The following PDE1C variants were observed in gnomAD, a reference collection of about 807,000 sequenced individuals.
PDE1C encodes phosphodiesterase 1C, also known as dual specificity calcium/calmodulin-dependent 3',5'-cyclic nucleotide phosphodiesterase 1C.
Under a neutral mutation model 93.1 loss-of-function variants are expected in PDE1C, and 62 were observed. The ratio of observed to expected loss-of-function variants is 0.67; its 90% confidence interval spans 0.54 to 0.82. The LOEUF is 0.82. Among genes scored for constraint, PDE1C ranks in the 40% least tolerant of loss-of-function variants. The probability of loss-of-function intolerance (pLI) is 0.00; values close to 1 mark genes in which losing one functional copy is unlikely to be tolerated. For missense variants in PDE1C, 742 were observed against 884.6 expected (o/e 0.84, Z 2.04); for synonymous variants, 325 against 310.1 (o/e 1.05, Z -0.50).
chr7:31,638,779 G>A, the PDE1C span, among the ~76,000 whole-genome samples: 195 of 151,876 alleles, frequency 1.3e-3, no homozygotes, highest in Non-Finnish European at 1.4e-3. Flanking sequence ...TTTGTTTTTC[G>A]TTTGTTTGTT....
At chr7:31,906,367 A>G (rs1462035275) in intron 2 of PDE1C, among the ~76,000 whole-genome samples, 1 of 152,176 alleles carries the variant, frequency 6.6e-6, no homozygotes, top group Non-Finnish European at 1.5e-5. Flanking sequence ...TCTCAAGAGC[A>G]TGTTAACTTT....
chr7:32,013,675 G>C (rs1787471314), intron 2 of PDE1C, among the ~76,000 whole-genome samples: 2 of 152,204 alleles, frequency 1.3e-5, no homozygotes, highest in African/African-American at 4.8e-5. Context: ...TGCTTGCTTG[G>C]ACTGGTATAA....
intron 2 of PDE1C, among the ~76,000 whole-genome samples, chr7:31,990,501 T>C (rs1784025274): frequency 6.6e-6 from 1 of 152,102 alleles, no homozygotes; most frequent in Non-Finnish European, 1.5e-5. Flanking sequence ...ACTAATACAA[T>C]AGGAATGGGC....
intron 2 of PDE1C, among the ~76,000 whole-genome samples, chr7:31,929,982 G>T (rs1803960985): frequency 6.6e-6 from 1 of 152,106 alleles, no homozygotes; most frequent in African/African-American, 2.4e-5. Flanking sequence ...GAATCCAGGA[G>T]CTGTTTTTTT....
At chr7:32,110,845 C>A (rs1798599724) in intron 3 of PDE1C, among the ~76,000 whole-genome samples, 1 of 152,158 alleles carries the variant, frequency 6.6e-6, no homozygotes, top group African/African-American at 2.4e-5. Flanking sequence ...ATGAAAATAT[C>A]TACCAGTAAA....
the PDE1C span, among the ~76,000 whole-genome samples, chr7:31,743,023 C>A: frequency 9.2e-5 from 14 of 152,210 alleles, no homozygotes; most frequent in East Asian, 1.5e-3. Flanking sequence ...TCTCTATTTC[C>A]AATGCCACCC....
At chr7:32,184,391 G>A (rs1803689821) in intron 2 of PDE1C, among the ~76,000 whole-genome samples, 1 of 152,132 alleles carries the variant, frequency 6.6e-6, no homozygotes, top group Non-Finnish European at 1.5e-5. Flanking sequence ...CAAAGACTTG[G>A]AACCAACCCA....
At chr7:31,835,796 T>C (rs1413274868) in intron 11 of PDE1C, among the ~76,000 whole-genome samples, 1 of 152,032 alleles carries the variant, frequency 6.6e-6, no homozygotes, top group African/African-American at 2.4e-5. Context: ...TGCTGTTAAC[T>C]CTAGCCCTAC....
intron 1 of PDE1C, among the ~76,000 whole-genome samples, chr7:32,282,968 G>A (rs1352834726): frequency 6.6e-6 from 1 of 152,136 alleles, no homozygotes; most frequent in Non-Finnish European, 1.5e-5. Flanking sequence ...CAAACCTCAC[G>A]TGTGGAATTG....
chr7:31,662,727 C>CCA, the PDE1C span, among the ~76,000 whole-genome samples: 1 of 152,292 alleles, frequency 6.6e-6, no homozygotes, highest in Non-Finnish European at 1.5e-5. Context: ...TTGAATCCTT[C>CCA]CACAGTTGGT....
chr7:32,256,527 A>G (rs1809808633), intron 1 of PDE1C, among the ~76,000 whole-genome samples: 1 of 152,206 alleles, frequency 6.6e-6, no homozygotes, highest in South Asian at 2.1e-4. Context: ...TTTTTCCGCC[A>G]GAAGCAGCAA....
chr7:31,798,722 A>G (rs1235342549), intron 16 of PDE1C, among the ~76,000 whole-genome samples: 1 of 151,740 alleles, frequency 6.6e-6, no homozygotes, highest in Non-Finnish European at 1.5e-5. Flanking sequence ...TCAAGGGGGT[A>G]TAAGATTCAT....
intron 3 of PDE1C, among the ~76,000 whole-genome samples, chr7:32,091,637 G>C (rs11772768): frequency 0.63 from 95,338 of 151,666 alleles, 30,251 homozygotes; most frequent in African/African-American, 0.71. Context: ...GCTAATGTAG[G>C]TGGAGTTGGA....
chr7:32,238,922 T>C (rs1808342637), intron 1 of PDE1C, among the ~76,000 whole-genome samples: 1 of 151,996 alleles, frequency 6.6e-6, no homozygotes. Context: ...ACTCAGACCA[T>C]AAAGGAAAGG....
chr7:31,866,040 G>A (rs1041277219), intron 6 of PDE1C, among the ~76,000 whole-genome samples: 2 of 151,996 alleles, frequency 1.3e-5, no homozygotes, highest in East Asian at 3.9e-4. Flanking sequence ...CCTTTTCTAT[G>A]TAACAGCGAA....
intron 3 of PDE1C, among the ~76,000 whole-genome samples, chr7:32,133,066 A>T (rs1800008514): frequency 6.6e-6 from 1 of 152,188 alleles, no homozygotes; most frequent in South Asian, 2.1e-4. Context: ...GGCATGCATT[A>T]GAAGTATTAA....
At chr7:32,375,119 C>G (rs1028112815) in intron 1 of PDE1C, among the ~76,000 whole-genome samples, 4 of 152,170 alleles carry the variant, frequency 2.6e-5, no homozygotes, top group African/African-American at 4.8e-5. Flanking sequence ...CTACTAGCAG[C>G]CAGTTGTTAC....
At chr7:31,636,324 A>C in the PDE1C span, among the ~76,000 whole-genome samples, 24 of 152,232 alleles carry the variant, frequency 1.6e-4, no homozygotes, top group Admixed American at 3.3e-4. Context: ...ACTCTGTGCT[A>C]GTGTTCTAAC....
the PDE1C span, chr7:31,652,684 G>A: frequency 2.5e-6 from 4 of 1,613,820 alleles, no homozygotes; most frequent in East Asian, 6.7e-5. Flanking sequence ...CCCTGTTCAG[G>A]TGGGACCCAG....
Sources: allele counts gnomAD v4.1 joint callset (sites outside exome capture counted in the v4.1 genomes callset), GRCh38; gene constraint gnomAD v4.1.1; transcripts MANE v1.5; gene names NCBI Gene and HGNC (gene_info 2026-07-23, HGNC 2026-07-21).